The following TENM2 variants were observed in gnomAD, a reference collection of about 807,000 sequenced individuals.
TENM2 encodes the protein teneurin transmembrane protein 2.
In TENM2, 52 loss-of-function variants were observed where a neutral mutation model predicts 245.2. The observed-to-expected ratio is 0.21, with a 90% confidence interval of 0.17 to 0.27. TENM2 has a LOEUF of 0.27. Among genes scored for constraint, TENM2 ranks in the 10% least tolerant of loss-of-function variants. TENM2 has a pLI of 1.00. For synonymous variants in TENM2, 1,363 were observed against 1,438.9 expected, an observed-to-expected ratio of 0.95 and a Z score of 1.19; for missense variants, 3,046 against 3,666.8, an observed-to-expected ratio of 0.83 and a Z score of 4.37.
chr5:167,506,382 G>A (rs1012438185), intron 2 of TENM2, among the ~76,000 whole-genome samples: 14 of 152,028 alleles, frequency 9.2e-5, no homozygotes, highest in African/African-American at 3.1e-4. Context: ...TGAATAACAG[G>A]GAGATAACTG....
chr5:167,945,323 G>GC (rs1295651065), intron 3 of TENM2, among the ~76,000 whole-genome samples: 4 of 152,012 alleles, frequency 2.6e-5, no homozygotes, highest in African/African-American at 9.7e-5. Flanking sequence ...CAAGCACCCG[G>GC]GGGGGGCACA....
chr5:168,050,660 T>C (rs1789000901), intron 6 of TENM2, among the ~76,000 whole-genome samples: 1 of 152,206 alleles, frequency 6.6e-6, no homozygotes, highest in Non-Finnish European at 1.5e-5. Context: ...GATAGAGATT[T>C]CATTACCTGG....
the TENM2 span, among the ~76,000 whole-genome samples, chr5:167,029,647 C>T: frequency 6.6e-6 from 1 of 152,148 alleles, no homozygotes; most frequent in Non-Finnish European, 1.5e-5. Flanking sequence ...ATAAAAATCC[C>T]TTCCTCATGG....
intron 4 of TENM2, among the ~76,000 whole-genome samples, chr5:167,984,153 A>T (rs1783056340): frequency 6.6e-6 from 1 of 152,198 alleles, no homozygotes; most frequent in African/African-American, 2.4e-5. Flanking sequence ...GCCAGGATGC[A>T]AACCCTGGTT....
chr5:167,929,960 T>C (rs531964858), intron 3 of TENM2, among the ~76,000 whole-genome samples: 22 of 152,322 alleles, frequency 1.4e-4, no homozygotes, highest in African/African-American at 5.3e-4. Context: ...TTCTGTCCTC[T>C]TCATGCACCA....
At chr5:167,321,703 T>A (rs1289395567) in intron 1 of TENM2, among the ~76,000 whole-genome samples, 1 of 151,660 alleles carries the variant, frequency 6.6e-6, no homozygotes. Flanking sequence ...CTAGGTTAGT[T>A]TTACCTCCTC....
In TENM2 at chr5:167,518,541, C is replaced by A. The variant is rs529237214; in HGVS notation, c.502+143068C>A. The stretch of plus-strand genomic sequence containing the variant: ...ATCTGAAATGTCCAGATAATGTGCA[C>A]AGGTTAACCGATGTTTTAACGACAG... On this transcript the variant is annotated intron_variant, in intron 2 of 28. Transcript: ENST00000518659. 6.9e-4 allele frequency among the ~76,000 whole-genome samples: 105 copies of A among 152,274 alleles called. 1 individual carries two copies. Among genetic ancestry groups the A allele is most frequent in the Middle Eastern group, 3.4e-3 (1 of 294 alleles).
chr5:168,121,481 A>G (rs903519019), intron 10 of TENM2, among the ~76,000 whole-genome samples: 3 of 152,196 alleles, frequency 2.0e-5, no homozygotes, highest in Non-Finnish European at 2.9e-5. Context: ...CAAAGGGCAT[A>G]TTTACTGGTA....
At chr5:167,717,230 A>T (rs1429173109) in intron 2 of TENM2, among the ~76,000 whole-genome samples, 1 of 152,158 alleles carries the variant, frequency 6.6e-6, no homozygotes, top group East Asian at 1.9e-4. Flanking sequence ...TGCTAGGATT[A>T]CAGATGTCAG....
chr5:167,605,543 AG>A (rs1208045384), intron 2 of TENM2, among the ~76,000 whole-genome samples: 2 of 150,762 alleles, frequency 1.3e-5, no homozygotes, highest in African/African-American at 5.0e-5. Context: ...TGCTGAGCAT[AG>A]TTAGGCCACT....
chr5:167,259,779 A>T, the TENM2 span, among the ~76,000 whole-genome samples: 1 of 152,172 alleles, frequency 6.6e-6, no homozygotes, highest in Non-Finnish European at 1.5e-5. Context: ...TAAACAAAAA[A>T]ATTCTAATAA....
At chr5:167,941,795 A>T (rs1490744119) in intron 3 of TENM2, among the ~76,000 whole-genome samples, 1 of 152,062 alleles carries the variant, frequency 6.6e-6, no homozygotes, top group Non-Finnish European at 1.5e-5. Context: ...TCGAGGTTAC[A>T]GTGAGCCATG....
intron 2 of TENM2, among the ~76,000 whole-genome samples, chr5:167,702,666 T>C (rs1758242721): frequency 6.6e-6 from 1 of 151,726 alleles, no homozygotes; most frequent in Admixed American, 6.6e-5. Context: ...TTTTATTGTT[T>C]GTTTTGTTTG....
intron 2 of TENM2, among the ~76,000 whole-genome samples, chr5:167,577,148 G>A (rs1774754264): frequency 6.6e-6 from 1 of 152,158 alleles, no homozygotes; most frequent in African/African-American, 2.4e-5. Context: ...AGGAACTGAT[G>A]CAATTTCAGG....
chr5:167,068,373 A>G, the TENM2 span, among the ~76,000 whole-genome samples: 29,304 of 152,096 alleles, frequency 0.19, 3,787 homozygotes, highest in East Asian at 0.43. Flanking sequence ...TGTTCTGTAG[A>G]AAATAATGTG....
chr5:167,187,355 A>G, the TENM2 span, among the ~76,000 whole-genome samples: 1 of 152,204 alleles, frequency 6.6e-6, no homozygotes, highest in African/African-American at 2.4e-5. Flanking sequence ...GATGCTGATT[A>G]AGGGCATTGG....
chr5:168,145,129 T>C lies in TENM2; in HGVS notation c.2423-17482T>C, dbSNP rs1258044488. ...CGAAAATTTTCTCCCATTTTGTAGG[T>C]TGCCTGTTCACTCTGATGGTAGTTT... On this transcript the variant is annotated intron_variant, in intron 12 of 28. Coordinates refer to ENST00000518659, the Ensembl canonical transcript of TENM2. Among the ~76,000 whole-genome samples the C allele has an allele frequency of 3.5e-3, 510 of 146,016 alleles. 3 individuals carry two copies. The highest frequency in any genetic ancestry group is 0.012 in the African/African-American group (481 of 40,228).
intron 1 of TENM2, among the ~76,000 whole-genome samples, chr5:167,328,923 A>G (rs1757261425): frequency 6.6e-6 from 1 of 152,226 alleles, no homozygotes. Context: ...CTAAAATAAG[A>G]GAACTGGGTC....
At chr5:168,110,797 T>A (rs1306523193) in intron 9 of TENM2, among the ~76,000 whole-genome samples, 1 of 152,124 alleles carries the variant, frequency 6.6e-6, no homozygotes, top group Non-Finnish European at 1.5e-5. Flanking sequence ...CACACACACA[T>A]ACACACACAA....
Sources: gnomAD v4.1 joint callset for allele counts (sites outside exome capture counted in the v4.1 genomes callset) on GRCh38, gnomAD v4.1.1 for gene constraint, MANE v1.5 for transcripts, NCBI Gene and HGNC (gene_info 2026-07-23, HGNC 2026-07-21) for gene names.